The following GMDS variants were observed in gnomAD, a reference collection of about 807,000 sequenced individuals.
GMDS encodes GDP-mannose 4,6-dehydratase, also known as GDP-mannose 4,6 dehydratase.
A neutral mutation model predicts 49.9 loss-of-function variants in GMDS; 20 were observed. That is an observed-to-expected ratio of 0.40 (90% CI 0.28 to 0.58). The LOEUF (loss-of-function observed/expected upper bound fraction) is 0.58. Ranked by LOEUF, GMDS falls within the 20% of genes least tolerant of loss-of-function variation. The pLI is 0.42. For missense variants in GMDS, 362 were observed against 481.4 expected, an observed-to-expected ratio of 0.75 and a Z score of 2.32; for synonymous variants, 177 against 178.6, an observed-to-expected ratio of 0.99 and a Z score of 0.07.
chr6:2,120,917 C>T (rs1237134478), intron 2 of GMDS, among the ~76,000 whole-genome samples: 1 of 152,168 alleles, frequency 6.6e-6, no homozygotes, highest in Non-Finnish European at 1.5e-5. Flanking sequence ...CACATTAGAC[C>T]CCATGTCACT....
intron 6 of GMDS, among the ~76,000 whole-genome samples, chr6:1,945,608 T>G (rs1763042770): frequency 6.6e-6 from 1 of 152,198 alleles, no homozygotes; most frequent in Admixed American, 6.5e-5. Flanking sequence ...CAGTAATGTC[T>G]GTGAACCCAA....
intron 7 of GMDS, among the ~76,000 whole-genome samples, chr6:1,915,829 T>C (rs1761358036): frequency 1.3e-5 from 2 of 152,248 alleles, no homozygotes; most frequent in Non-Finnish European, 2.9e-5. Context: ...CAGTAGTTCA[T>C]GCATTTTCAG....
At chr6:1,719,934 C>A (rs960459845) in intron 9 of GMDS, among the ~76,000 whole-genome samples, 1 of 152,156 alleles carries the variant, frequency 6.6e-6, no homozygotes, top group South Asian at 2.1e-4. Context: ...TCAGCCATCA[C>A]CTGGATAGCT....
chr6:2,013,443 A>G (rs1767688924), intron 4 of GMDS, among the ~76,000 whole-genome samples: 1 of 152,166 alleles, frequency 6.6e-6, no homozygotes, highest in Non-Finnish European at 1.5e-5. Context: ...AAAAAGCACC[A>G]TCTAAAAAAA....
At chr6:2,164,073 C>T (rs1263429561) in intron 1 of GMDS, among the ~76,000 whole-genome samples, 1 of 152,228 alleles carries the variant, frequency 6.6e-6, no homozygotes, top group Non-Finnish European at 1.5e-5. Flanking sequence ...CTAATTCAAT[C>T]ACCGTAGGCC....
At chr6:1,861,572 T>C (rs1426472876) in intron 7 of GMDS, among the ~76,000 whole-genome samples, 2 of 148,202 alleles carry the variant, frequency 1.3e-5, no homozygotes, top group East Asian at 2.0e-4. Flanking sequence ...TTTCGGGGCA[T>C]GAAGCAGAAA....
intron 6 of GMDS, among the ~76,000 whole-genome samples, chr6:1,950,213 AAT>A (rs1763273463): frequency 6.6e-6 from 1 of 152,206 alleles, no homozygotes; most frequent in South Asian, 2.1e-4. Flanking sequence ...TATGAATTCT[AAT>A]AGTTTTAAAG....
intron 1 of GMDS, among the ~76,000 whole-genome samples, chr6:2,145,140 T>C (rs550779921): frequency 1.3e-5 from 2 of 152,340 alleles, no homozygotes; most frequent in South Asian, 2.1e-4. Flanking sequence ...GTAGTATGAA[T>C]AGATTTCAAG....
chr6:1,904,285 C>T (rs908279285), intron 7 of GMDS, among the ~76,000 whole-genome samples: 7 of 152,108 alleles, frequency 4.6e-5, no homozygotes, highest in African/African-American at 1.7e-4. Flanking sequence ...TAGGAAGCCC[C>T]AGCCTTATCT....
chr6:1,955,524 C>T (rs1031317645), intron 6 of GMDS, among the ~76,000 whole-genome samples: 3 of 152,014 alleles, frequency 2.0e-5, no homozygotes, highest in African/African-American at 7.2e-5. Context: ...AAAGTGCTCC[C>T]ATTTCATAAG....
intron 4 of GMDS, among the ~76,000 whole-genome samples, chr6:2,038,330 T>C (rs1769426978): frequency 1.3e-5 from 2 of 152,162 alleles, no homozygotes; most frequent in Non-Finnish European, 2.9e-5. Context: ...ACTGATAAAG[T>C]GCTTTGATAA....
chr6:1,669,560 G>A (rs536372497), intron 9 of GMDS, among the ~76,000 whole-genome samples: 1 of 152,290 alleles, frequency 6.6e-6, no homozygotes, highest in East Asian at 1.9e-4. Flanking sequence ...AGATCGTCAT[G>A]TGCTGAGCAC....
rs548895912 is a variant in GMDS at position 1,654,589 on chromosome 6, G to A, written c.988-30049C>T. Among the ~76,000 whole-genome samples, 53 of 152,304 alleles carry A rather than the reference G, an allele frequency of 3.5e-4. 1 individual carries two copies. Among genetic ancestry groups the A allele is most frequent in the African/African-American group, 1.2e-3 (50 of 41,564 alleles). On this transcript the variant is annotated intron_variant, in intron 9 of 10. Coordinates refer to ENST00000380815, the MANE Select transcript of GMDS (RefSeq NM_001500.4). ...ATTCATAAAGATGGAAAAAATGGTGGTTGCCAGAGCTTGGGGTGGAGAAAA... is the reference window on the plus strand; with the variant it reads ...ATTCATAAAGATGGAAAAAATGGTGATTGCCAGAGCTTGGGGTGGAGAAAA...
chr6:2,108,325 T>G (rs1383383705), intron 4 of GMDS, among the ~76,000 whole-genome samples: 1 of 152,178 alleles, frequency 6.6e-6, no homozygotes, highest in Admixed American at 6.5e-5. Context: ...CCCATAGCTT[T>G]TAGGGAAGCT....
intron 9 of GMDS, among the ~76,000 whole-genome samples, chr6:1,665,500 T>A (rs1764209287): frequency 6.6e-6 from 1 of 152,254 alleles, no homozygotes; most frequent in African/African-American, 2.4e-5. Flanking sequence ...GAGACAGACC[T>A]CTGGCTTGTT....
At chr6:2,016,211 A>T (rs1436208188) in intron 4 of GMDS, among the ~76,000 whole-genome samples, 3 of 151,104 alleles carry the variant, frequency 2.0e-5, no homozygotes, top group Non-Finnish European at 4.4e-5. Flanking sequence ...GTGAGCTGTG[A>T]TTGCGCCACT....
chr6:2,130,406 C>G (rs1775669745), intron 1 of GMDS, among the ~76,000 whole-genome samples: 1 of 152,210 alleles, frequency 6.6e-6, no homozygotes, highest in Non-Finnish European at 1.5e-5. Flanking sequence ...GCAACATGAT[C>G]AATAACCTCT....
chr6:2,202,498 A>G (rs1024771129), intron 1 of GMDS, among the ~76,000 whole-genome samples: 2 of 151,572 alleles, frequency 1.3e-5, no homozygotes, highest in African/African-American at 4.9e-5. Flanking sequence ...GTCTGGTTTC[A>G]ACTCAAATGC....
chr6:1,852,961 C>A (rs1015257500), intron 7 of GMDS, among the ~76,000 whole-genome samples: 9 of 151,964 alleles, frequency 5.9e-5, no homozygotes, highest in Admixed American at 5.9e-4. Context: ...CTCAGCCTCC[C>A]AAAGTGCTGG....
Sources: gnomAD v4.1 joint callset for allele counts (sites outside exome capture counted in the v4.1 genomes callset) on GRCh38, gnomAD v4.1.1 for gene constraint, MANE v1.5 for transcripts, NCBI Gene and HGNC (gene_info 2026-07-23, HGNC 2026-07-21) for gene names.